Variants in GASK1A observed in about 807,000 individuals in gnomAD.
The protein encoded by GASK1A is golgi associated kinase 1A, also known as Golgi-associated kinase 1A.
GASK1A carries 40 observed loss-of-function variants against 41.2 expected under a neutral mutation model. The ratio of observed to expected loss-of-function variants is 0.97; its 90% confidence interval spans 0.75 to 1.27. The LOEUF (loss-of-function observed/expected upper bound fraction) is 1.27. GASK1A is among the 50% of genes most tolerant of loss of function. The probability of loss-of-function intolerance (pLI) is 0.00; values close to 1 mark genes in which losing one functional copy is unlikely to be tolerated. For synonymous variants in GASK1A, 316 were observed against 307.1 expected (o/e 1.03, Z -0.30); for missense variants, 678 against 745.1 (o/e 0.91, Z 1.05).
chr3:43,047,018 G>A (rs1028721124), intron 2 of GASK1A, among the ~76,000 whole-genome samples: 2 of 152,234 alleles, frequency 1.3e-5, no homozygotes, highest in African/African-American at 4.8e-5. Context: ...CTGCTGAAGG[G>A]GTGGAACCCT....
intron 1 of GASK1A, among the ~76,000 whole-genome samples, chr3:42,985,211 C>G (rs934672670): frequency 1.1e-4 from 16 of 152,096 alleles, no homozygotes; most frequent in African/African-American, 3.6e-4. Flanking sequence ...AATGGGGGTA[C>G]TCGGTTATAG....
At chr3:42,990,263 T>C (rs1444440763) in intron 1 of GASK1A, among the ~76,000 whole-genome samples, 3 of 151,486 alleles carry the variant, frequency 2.0e-5, no homozygotes, top group Admixed American at 2.0e-4. Context: ...GGTGGGAGGA[T>C]TGCTTGGGCC....
rs189340437 is a variant in GASK1A, at chr3:43,027,435, A to T, written c.4-4832A>T. 3.3e-5 allele frequency among the ~76,000 whole-genome samples: 5 copies of T among 152,338 alleles called. No homozygotes were observed. In the East Asian group the frequency reaches 7.7e-4, roughly 23 times the overall value. On this transcript the variant is annotated intron_variant, in intron 1 of 4. Transcript: ENST00000430121. ...AATTAATATGCTGTTTATTTCATTA[A>T]TAATAGCAGAGAACTAAAGAATATC...
intron 2 of GASK1A, among the ~76,000 whole-genome samples, chr3:43,046,904 T>G (rs950682338): frequency 6.6e-6 from 1 of 152,210 alleles, no homozygotes; most frequent in African/African-American, 2.4e-5. Flanking sequence ...GGCCTCCACG[T>G]GGTGTTGCAC....
At chr3:43,035,305 T>C (rs1288304721) in intron 2 of GASK1A, among the ~76,000 whole-genome samples, 1 of 152,180 alleles carries the variant, frequency 6.6e-6, no homozygotes, top group East Asian at 1.9e-4. Context: ...TGCTGGGGAA[T>C]GAGTACCCTC....
At chr3:43,008,408 T>C (rs1334242378) in intron 1 of GASK1A, among the ~76,000 whole-genome samples, 1 of 152,096 alleles carries the variant, frequency 6.6e-6, no homozygotes, top group Non-Finnish European at 1.5e-5. Context: ...AAGCCGGAGG[T>C]CACCTGGCTG....
intron 1 of GASK1A, among the ~76,000 whole-genome samples, chr3:42,997,037 C>G (rs931080728): frequency 6.6e-6 from 1 of 152,220 alleles, no homozygotes; most frequent in East Asian, 1.9e-4. Flanking sequence ...CTTCATAGGC[C>G]GAGCAGTTTC....
At chr3:42,983,286 CTGTAAGAT>C (rs2089291166) in intron 1 of GASK1A, among the ~76,000 whole-genome samples, 1 of 152,090 alleles carries the variant, frequency 6.6e-6, no homozygotes, top group Admixed American at 6.5e-5. Context: ...CTCAAAGGTG[CTGTAAGAT>C]TGGGGGCTTT....
At chr3:42,994,161 A>G (rs1402409169) in intron 1 of GASK1A, among the ~76,000 whole-genome samples, 1 of 151,984 alleles carries the variant, frequency 6.6e-6, no homozygotes, top group African/African-American at 2.4e-5. Context: ...ATTTTTTGCT[A>G]AAAATAAATA....
intron 2 of GASK1A, among the ~76,000 whole-genome samples, chr3:43,044,586 C>T (rs183299595): frequency 3.7e-4 from 56 of 152,250 alleles, no homozygotes; most frequent in African/African-American, 1.1e-3. Flanking sequence ...TTCCTCAATT[C>T]GCATAGCCAG....
intron 2 of GASK1A, among the ~76,000 whole-genome samples, chr3:43,036,869 T>C (rs1026107050): frequency 6.6e-6 from 1 of 152,126 alleles, no homozygotes; most frequent in Non-Finnish European, 1.5e-5. Flanking sequence ...CCAGCCCTGG[T>C]CCATACCTTG....
Position 43,016,039 on chromosome 3 carries a change from A to C in GASK1A, c.4-16228A>C, listed in dbSNP as rs142832352. 6.0e-3 allele frequency among the ~76,000 whole-genome samples: 907 copies of C among 151,126 alleles called. 6 individuals are homozygous for C. Among genetic ancestry groups the C allele is most frequent in the African/African-American group, 0.021 (849 of 40,988 alleles). ...GGAGGGCCAGTGTGAAGTCACAGGGAGGGGCTCTGTGAAGTCACAGAAAGG... is the reference window on the plus strand; with the variant it reads ...GGAGGGCCAGTGTGAAGTCACAGGGCGGGGCTCTGTGAAGTCACAGAAAGG... On this transcript the variant is annotated intron_variant, in intron 1 of 4. Coordinates refer to ENST00000430121, the MANE Select transcript of GASK1A (RefSeq NM_001129908.3).
chr3:42,997,443 G>GGC (rs2089382732), intron 1 of GASK1A, among the ~76,000 whole-genome samples: 1 of 151,806 alleles, frequency 6.6e-6, no homozygotes. Flanking sequence ...AGAGAGGGGG[G>GGC]GGGGATCTGG....
intron 1 of GASK1A, among the ~76,000 whole-genome samples, chr3:43,000,528 A>G (rs1234250404): frequency 6.6e-6 from 1 of 152,268 alleles, no homozygotes; most frequent in Non-Finnish European, 1.5e-5. Context: ...GACAGCAGCC[A>G]TGCCTACAAG....
At chr3:43,052,604 C>T (rs1173979500) in intron 2 of GASK1A, among the ~76,000 whole-genome samples, 2 of 152,146 alleles carry the variant, frequency 1.3e-5, no homozygotes, top group East Asian at 3.9e-4. Flanking sequence ...GCCGCCCTCG[C>T]TTCATCTTTC....
chr3:43,021,824 A>G (rs1448663995), intron 1 of GASK1A, among the ~76,000 whole-genome samples: 13 of 152,196 alleles, frequency 8.5e-5, no homozygotes, highest in Admixed American at 8.5e-4. Flanking sequence ...CCCTGTTTTC[A>G]CTGCTCCTTC....
chr3:43,043,343 C>T (rs2089647040), intron 2 of GASK1A, among the ~76,000 whole-genome samples: 1 of 152,204 alleles, frequency 6.6e-6, no homozygotes, highest in African/African-American at 2.4e-5. Flanking sequence ...CGGACCTTCC[C>T]ACCCCCACAG....
At chr3:43,044,874 G>A (rs1392318) in intron 2 of GASK1A, among the ~76,000 whole-genome samples, 5,143 of 152,214 alleles carry the variant, frequency 0.034, 293 homozygotes, top group African/African-American at 0.12. Flanking sequence ...AAAGTCTGGC[G>A]GAGTCAAAGG....
Position 43,033,147 on chromosome 3 carries a change from C to T in GASK1A, c.884C>T (p.Ser295Phe), listed in dbSNP as rs1408970313. 6.4e-7 allele frequency: 1 copy of T among 1,550,746 alleles called. No individual in the cohort carries two copies. The highest frequency in any genetic ancestry group is 2.4e-5 in the East Asian group (1 of 40,896). ...GGGCAGGTGCTACAGGTTGGCTTCT[C>T]CACTGAGGCTGCCCTTCAGGACCTG... is the stretch of plus-strand genomic sequence containing the variant. ...AHGQVLQVGF[S>F]TEAALQDLSS... Residue 295 changes from serine (S) to phenylalanine (F), a missense_variant, in exon 2 of 5, where the codon TCC (serine) becomes TTC (phenylalanine). Transcript: ENST00000430121.
Sources: gnomAD v4.1 joint callset for allele counts (sites outside exome capture counted in the v4.1 genomes callset) on GRCh38, gnomAD v4.1.1 for gene constraint, MANE v1.5 for transcripts, NCBI Gene and HGNC (gene_info 2026-07-23, HGNC 2026-07-21) for gene names.